The following STRBP variants were observed in gnomAD, a reference collection of about 807,000 sequenced individuals.
STRBP encodes spermatid perinuclear RNA-binding protein.
STRBP carries 13 observed loss-of-function variants against 80.1 expected under a neutral mutation model. The observed-to-expected ratio is 0.16, with a 90% CI of 0.11 to 0.26. STRBP has a LOEUF of 0.26. Ranked by LOEUF, STRBP falls within the 10% of genes least tolerant of loss-of-function variation. The pLI is 1.00. For synonymous variants in STRBP, 284 were observed against 291.2 expected (o/e 0.98, Z 0.25); for missense variants, 485 against 815.2 (o/e 0.59, Z 4.93).
chr9:123,258,528 G>C (rs1274705796), intron 1 of STRBP, among the ~76,000 whole-genome samples: 1 of 152,212 alleles, frequency 6.6e-6, no homozygotes, highest in Non-Finnish European at 1.5e-5. Context: ...AGAAGGCCAG[G>C]CGTGGTGGCT....
At chr9:123,243,912 C>T (rs1367245558) in intron 1 of STRBP, among the ~76,000 whole-genome samples, 1 of 152,184 alleles carries the variant, frequency 6.6e-6, no homozygotes, top group Non-Finnish European at 1.5e-5. Flanking sequence ...AGGAATTGTG[C>T]TCCTAGATAT....
chr9:123,156,181 A>G lies in STRBP; in HGVS notation c.1045+1831T>C, dbSNP rs569060059. On this transcript the variant is annotated intron_variant, in intron 11 of 18. Coordinates refer to ENST00000348403, the MANE Select transcript of STRBP (RefSeq NM_018387.5). ...TGGTTGTGAATTTGGTGATTGAAAT[A>G]AAATTTTCTGATACTAATCATAAGA... 2.0e-5 allele frequency among the ~76,000 whole-genome samples: 3 copies of G among 152,302 alleles called. No individual in the cohort carries two copies. The East Asian group carries it at 5.8e-4, about 29-fold the overall frequency.
intron 1 of STRBP, among the ~76,000 whole-genome samples, chr9:123,262,500 A>G (rs2041180088): frequency 6.6e-6 from 1 of 152,246 alleles, no homozygotes; most frequent in South Asian, 2.1e-4. Flanking sequence ...CTCAGAATTT[A>G]TTACACAACC....
chr9:123,230,465 T>G (rs934437359), intron 2 of STRBP, among the ~76,000 whole-genome samples: 4 of 152,158 alleles, frequency 2.6e-5, no homozygotes, highest in Admixed American at 6.5e-5. Context: ...CTAATACACT[T>G]CTGGGAAGAT....
At chr9:123,211,939 T>C (rs1218480555) in intron 2 of STRBP, among the ~76,000 whole-genome samples, 1 of 152,152 alleles carries the variant, frequency 6.6e-6, no homozygotes, top group East Asian at 1.9e-4. Context: ...ATCTTGCTTT[T>C]TACAAGATGA....
rs1362010481 is a variant in STRBP at position 123,124,099 on chromosome 9, C to T, written c.*1498G>A. The T allele has an allele frequency of 1.0e-6, 1 of 985,290 alleles. No homozygotes were observed. The allele number at this position is 985,290 out of a possible 1,614,324, so 61.0% of individuals were successfully genotyped here. On this transcript the variant is annotated 3_prime_UTR_variant, in exon 19 of 19. Transcript: ENST00000348403. ...ACACTAACATTTGTTGTACATTGCC[C>T]ATTTCACCTTTATTTAGTGGTCCCG...
At chr9:123,147,702 C>A in intron 12 of STRBP, 76 bp downstream of exon 12, 12 of 994,976 alleles carry the variant, frequency 1.2e-5, no homozygotes, top group Non-Finnish European at 1.7e-5. Context: ...AAAAAAAACC[C>A]TTCACTTTTA....
intron 7 of STRBP, among the ~76,000 whole-genome samples, chr9:123,160,698 C>A (rs993755787): frequency 3.3e-5 from 5 of 152,272 alleles, no homozygotes; most frequent in African/African-American, 1.2e-4. Flanking sequence ...CAGGCAACTA[C>A]CTAATTTAAC....
At chr9:123,225,268 A>G (rs1164199286) in intron 2 of STRBP, among the ~76,000 whole-genome samples, 3 of 152,206 alleles carry the variant, frequency 2.0e-5, no homozygotes, top group Non-Finnish European at 4.4e-5. Flanking sequence ...TCATCAAGCT[A>G]TACACACTTA....
intron 1 of STRBP, among the ~76,000 whole-genome samples, chr9:123,245,119 T>C (rs538284097): frequency 1.7e-4 from 26 of 152,330 alleles, no homozygotes; most frequent in African/African-American, 6.0e-4. Flanking sequence ...AGAGATGGAT[T>C]ACTCAGTACA....
intron 2 of STRBP, among the ~76,000 whole-genome samples, chr9:123,192,875 A>C (rs1031515761): frequency 1.3e-5 from 2 of 152,132 alleles, no homozygotes; most frequent in African/African-American, 4.8e-5. Context: ...ACTGGCACTA[A>C]ACTCAAATAT....
At chr9:123,166,993 T>G (rs1588030425) in intron 6 of STRBP, among the ~76,000 whole-genome samples, 1 of 152,158 alleles carries the variant, frequency 6.6e-6, no homozygotes, top group Non-Finnish European at 1.5e-5. Flanking sequence ...CACTCTGTAT[T>G]ATGGCAATTT....
At chr9:123,238,642 C>A (rs2040622685) in intron 1 of STRBP, among the ~76,000 whole-genome samples, 1 of 152,134 alleles carries the variant, frequency 6.6e-6, no homozygotes, top group Admixed American at 6.5e-5. Flanking sequence ...ATCCTAACAT[C>A]CCACGTATGC....
intron 6 of STRBP, among the ~76,000 whole-genome samples, chr9:123,161,666 A>C (rs1374173454): frequency 6.6e-6 from 1 of 152,174 alleles, no homozygotes; most frequent in Non-Finnish European, 1.5e-5. Flanking sequence ...CCTATTCTAA[A>C]CCAAAATTAT....
chr9:123,179,346 AT>A, intron 3 of STRBP, 119 bp from the exon 4 acceptor site: 2 of 831,786 alleles, frequency 2.4e-6, no homozygotes, highest in Non-Finnish European at 3.6e-6. Context: ...GAAACAGTTA[AT>A]ACTGAAACAA....
intron 2 of STRBP, among the ~76,000 whole-genome samples, chr9:123,224,950 G>A (rs2040187856): frequency 6.6e-6 from 1 of 152,114 alleles, no homozygotes; most frequent in Admixed American, 6.6e-5. Flanking sequence ...TCAAAAACTG[G>A]AAATAGCCTA....
rs2038793738 is a variant in STRBP, at chr9:123,188,540, G to A, written c.-164-4242C>T. Among the ~76,000 whole-genome samples the A allele has an allele frequency of 2.0e-5, 3 of 152,176 alleles. No homozygotes were observed. The South Asian group carries it at 6.2e-4, about 32-fold the overall frequency. On this transcript the variant is annotated intron_variant, in intron 2 of 18. Coordinates refer to ENST00000348403, the MANE Select transcript of STRBP (RefSeq NM_018387.5). ...GCCTGTAGTCCCAGCTACTCGGGAG[G>A]CTGAGGCAGGAGAATGGCGTGAACC...
chr9:123,167,822 T>C (rs1221168469), intron 6 of STRBP, among the ~76,000 whole-genome samples: 1 of 152,192 alleles, frequency 6.6e-6, no homozygotes, highest in African/African-American at 2.4e-5. Flanking sequence ...TTACAAAATC[T>C]ATTCTATAAT....
chr9:123,177,923 A>G (rs549059766), intron 4 of STRBP, among the ~76,000 whole-genome samples: 40 of 152,344 alleles, frequency 2.6e-4, no homozygotes, highest in Middle Eastern at 3.4e-3. Context: ...TAATTAGATA[A>G]CATTACTAAT....
Sources: allele counts gnomAD v4.1 joint callset (sites outside exome capture counted in the v4.1 genomes callset), GRCh38; gene constraint gnomAD v4.1.1; transcripts MANE v1.5; gene names NCBI Gene and HGNC (gene_info 2026-07-23, HGNC 2026-07-21).